Variants in PCYT1A observed in about 807,000 individuals in gnomAD.
The protein encoded by PCYT1A is choline-phosphate cytidylyltransferase A.
A neutral mutation model predicts 43.7 loss-of-function variants in PCYT1A; 25 were observed. That is an observed-to-expected ratio of 0.57 (90% CI 0.42 to 0.80). PCYT1A has a LOEUF of 0.80. Among genes scored for constraint, PCYT1A ranks in the 30% least tolerant of loss-of-function variants. The pLI, the probability that PCYT1A is intolerant of heterozygous loss-of-function variation, is 0.00. For missense variants in PCYT1A, 421 were observed against 474.2 expected (o/e 0.89, Z 1.04); for synonymous variants, 172 against 170.7 (o/e 1.01, Z -0.06).
intron 1 of PCYT1A, among the ~76,000 whole-genome samples, chr3:196,278,530 C>T (rs79854905): frequency 0.058 from 8,813 of 152,186 alleles, 310 homozygotes; most frequent in Non-Finnish European, 0.084. Context: ...TGGGGCAGTG[C>T]ATTACTCAAT....
intron 2 of PCYT1A, among the ~76,000 whole-genome samples, chr3:196,265,426 T>C (rs1725238763): frequency 6.6e-6 from 1 of 152,196 alleles, no homozygotes; most frequent in Non-Finnish European, 1.5e-5. Flanking sequence ...GTGATCCTTT[T>C]GATTGAACCT....
chr3:196,275,960 G>T (rs1341131642), intron 1 of PCYT1A, among the ~76,000 whole-genome samples: 1 of 151,788 alleles, frequency 6.6e-6, no homozygotes, highest in Non-Finnish European at 1.5e-5. Context: ...AGCCAGGCGT[G>T]GTGGCGGGCA....
rs138928282 is a variant in PCYT1A at position 196,281,274 on chromosome 3, T to C, written c.-11+6341A>G. ...ATATTCCTGGCATTCATTAATCCTA[T>C]CATCTTGCTGTACACTCAGGTCTTT... On this transcript the variant is annotated intron_variant, in intron 1 of 8. Transcript: ENST00000431016. Among the ~76,000 whole-genome samples the C allele has an allele frequency of 4.1e-3, 624 of 152,348 alleles. 2 individuals carry two copies. Among genetic ancestry groups the C allele is most frequent in the African/African-American group, 0.014 (590 of 41,584 alleles).
In PCYT1A at chr3:196,236,072, T is replaced by C. The variant is rs1724154005; in HGVS notation, c.*2616A>G. ...CAATAACATGTACGTTTGCTGGCCC[T>C]AGCAGTCTCAGAGGCCTGTCAGCCT... On this transcript the variant is annotated 3_prime_UTR_variant, in exon 9 of 9. Transcript: ENST00000431016. The C allele has an allele frequency of 6.6e-6, 1 of 152,204 alleles. No individual in the cohort carries two copies. Among genetic ancestry groups the C allele is most frequent in the African/African-American group, 2.4e-5 (1 of 41,440 alleles). The allele number at this position is 152,204 out of a possible 1,614,324, so 9.4% of individuals were successfully genotyped here.
intron 3 of PCYT1A, chr3:196,251,224 A>G (rs996733599): frequency 5.7e-6 from 1 of 176,268 alleles, no homozygotes; most frequent in Non-Finnish European, 1.2e-5. Flanking sequence ...TGAGGACCAG[A>G]TACACCATGC....
Position 196,248,320 on chromosome 3 carries a change from T to C in PCYT1A, c.221A>G (p.Glu74Gly). Reference sequence around the variant, plus strand: ...ATCGGCATAAACTCTCACAGGTCGCTCACCTAAATCCAAATGAAAGAATTG... The same window carrying C: ...ATCGGCATAAACTCTCACAGGTCGCCCACCTAAATCCAAATGAAAGAATTG... ...MEEASRGTPC[E>G]RPVRVYADGI... Residue 74 changes from glutamate to glycine, a missense_variant, in exon 4 of 9, where the codon GAG becomes GGG. Coordinates refer to ENST00000431016, the MANE Select transcript of PCYT1A (RefSeq NM_001312673.2). The C allele has an allele frequency of 6.4e-7, 1 of 1,570,610 alleles. No homozygotes were observed. Among genetic ancestry groups the C allele is most frequent in the Non-Finnish European group, 8.8e-7 (1 of 1,141,218 alleles).
Position 196,239,587 on chromosome 3 carries a change from A to G in PCYT1A, c.857T>C (p.Ile286Thr), listed in dbSNP as rs759307632. The G allele has an allele frequency of 1.5e-5, 24 of 1,613,348 alleles. No homozygotes were observed. The highest frequency in any genetic ancestry group is 1.6e-4 in the Middle Eastern group (1 of 6,084). ...ACCAAACATTTCCAGAAAACTTCCA[A>G]TGAATTCTCGGGACTTCTCCTCCCA... ...QKWEEKSREF[I>T]GSFLEMFGPE... The change falls in exon 8 of 9, where the codon ATT becomes ACT. Residue 286 changes from isoleucine (I) to threonine (T), a missense_variant. By Grantham distance (89) the Ile-to-Thr change is moderately conservative (BLOSUM62 -1). Transcript: ENST00000431016.
intron 7 of PCYT1A, chr3:196,241,711 T>C (rs1464002171): frequency 2.9e-6 from 4 of 1,399,904 alleles, no homozygotes; most frequent in Non-Finnish European, 3.8e-6. Context: ...ACTATATAAA[T>C]TACTCATTTA....
In PCYT1A at chr3:196,257,868, G is replaced by A. The variant is rs781768969; in HGVS notation, c.137C>T (p.Pro46Leu). The A allele has an allele frequency of 5.6e-6, 9 of 1,612,628 alleles. No individual in the cohort carries two copies. The highest frequency in any genetic ancestry group is 7.6e-6 in the Non-Finnish European group (9 of 1,179,082). The change falls in exon 3 of 9, where the codon CCT (proline) becomes CTT (leucine). Residue 46 changes from proline (P) to leucine (L), a missense_variant. This residue lies in a region of PCYT1A where 139 missense variants were observed against 117.7 expected (regional missense o/e 1.18). Transcript: ENST00000431016. ...GTCAACTTCAATTTCATCAGAAAAA[G>A]GAGCTGGTTGCCGTAAGCCCTTAAG... The part of the protein sequence containing the change: ...RCAVGLRQPA[P>L]FSDEIEVDFS...
At chr3:196,272,694 C>A (rs918532605) in intron 1 of PCYT1A, among the ~76,000 whole-genome samples, 1 of 152,194 alleles carries the variant, frequency 6.6e-6, no homozygotes, top group Non-Finnish European at 1.5e-5. Flanking sequence ...TTCACAGTTT[C>A]CAGCTATTAA....
Position 196,268,779 on chromosome 3 carries a change from A to T in PCYT1A, c.117+1636T>A, listed in dbSNP as rs1189391503. On this transcript the variant is annotated intron_variant, in intron 2 of 8. Coordinates refer to ENST00000431016, the MANE Select transcript of PCYT1A (RefSeq NM_001312673.2). This position sits in a 1 kb window ranked among gnomAD's most constrained non-coding sequence, Gnocchi z 4.4. ...CACTGCACTCCAGCCTGGGTGACAA[A>T]GCGAGACTCTGTCTCAAAAATACAA... is the stretch of plus-strand genomic sequence containing the variant. Among the ~76,000 whole-genome samples, 4 of 152,238 alleles carry T rather than the reference A, an allele frequency of 2.6e-5. No homozygotes were observed. Among genetic ancestry groups the T allele is most frequent in the African/African-American group, 9.6e-5 (4 of 41,464 alleles).
rs957669657 is a variant in PCYT1A, at chr3:196,241,149, A to C, written c.708+799T>G. Among the ~76,000 whole-genome samples the C allele has an allele frequency of 8.6e-3, 1,286 of 148,892 alleles. 37 individuals carry two copies. The highest frequency in any genetic ancestry group is 0.03 in the African/African-American group (1,196 of 40,440). The stretch of plus-strand genomic sequence containing the variant: ...TCTCTGCTAAAAAAAAAAAAAAAAA[A>C]AAAAAAAAAAAAAATTAGCCAGGCC... On this transcript the variant is annotated intron_variant, in intron 7 of 8. Coordinates refer to ENST00000431016, the MANE Select transcript of PCYT1A (RefSeq NM_001312673.2).
intron 1 of PCYT1A, among the ~76,000 whole-genome samples, chr3:196,284,454 A>G (rs1725849260): frequency 6.6e-6 from 1 of 152,226 alleles, no homozygotes. Context: ...CTGTTTAATC[A>G]TAAGAAGAGT....
intron 1 of PCYT1A, 21 bp downstream of exon 1, chr3:196,287,594 G>A (rs1356986782): frequency 1.3e-5 from 2 of 152,362 alleles, no homozygotes; most frequent in Non-Finnish European, 2.9e-5. Context: ...CTCAAACAGA[G>A]ACGCAAAGAT....
intron 2 of PCYT1A, among the ~76,000 whole-genome samples, chr3:196,263,217 A>AT (rs977251142): frequency 2.6e-5 from 4 of 151,766 alleles, no homozygotes; most frequent in Admixed American, 6.6e-5. Context: ...AATTGTTTCT[A>AT]TTTTTTTTAT....
chr3:196,286,596 A>G (rs1044118805), intron 1 of PCYT1A, among the ~76,000 whole-genome samples: 3 of 152,212 alleles, frequency 2.0e-5, no homozygotes, highest in Non-Finnish European at 2.9e-5. Context: ...GAAAGTTTCT[A>G]TTCTATTCCA....
intron 3 of PCYT1A, among the ~76,000 whole-genome samples, chr3:196,251,953 T>C (rs1724804763): frequency 6.6e-6 from 1 of 152,172 alleles, no homozygotes; most frequent in African/African-American, 2.4e-5. Context: ...TCTGTCACCC[T>C]GGCTGGAGTG....
At chr3:196,279,441 C>T (rs372676228) in intron 1 of PCYT1A, among the ~76,000 whole-genome samples, 14 of 152,102 alleles carry the variant, frequency 9.2e-5, no homozygotes, top group African/African-American at 3.1e-4. Flanking sequence ...AAACCCATCC[C>T]CCAACACCCT....
In PCYT1A at chr3:196,242,090, C is replaced by T; in HGVS notation, c.566G>A (p.Gly189Asp). Residue 189 changes from glycine (G) to aspartate (D), a missense_variant and splice_region_variant, in exon 7 of 9, where the codon GGC (glycine) becomes GAC (aspartate). Gly to Asp is a moderately conservative substitution (Grantham distance 94, BLOSUM62 -1). Transcript: ENST00000431016. This position sits in a 1 kb window ranked among gnomAD's most constrained non-coding sequence, Gnocchi z 4.2. ...TGTCCTCTGTGTTGGAGCAAACATG[C>T]CTAACTCAGAAACACATACAGACAA... ...DDVYKHIKEA[G>D]MFAPTQRTEG... 1 of 1,613,760 alleles carries T rather than the reference C, an allele frequency of 6.2e-7. No individual in the cohort carries two copies. The highest frequency in any genetic ancestry group is 8.5e-7 in the Non-Finnish European group (1 of 1,179,914).
Sources: gnomAD v4.1 joint callset for allele counts (sites outside exome capture counted in the v4.1 genomes callset) on GRCh38, gnomAD v4.1.1 for gene constraint, gnomAD v4.1.1 regional missense constraint, Gnocchi (gnomAD v3.1) non-coding constraint, MANE v1.5 for transcripts, NCBI Gene and HGNC (gene_info 2026-07-23, HGNC 2026-07-21) for gene names.